Variants in CHD6 observed in about 807,000 individuals in gnomAD.
The protein encoded by CHD6 is ATP-dependent chromatin remodeler CHD6.
CHD6 carries 50 observed loss-of-function variants against 276.9 expected under a neutral mutation model. The ratio of observed to expected loss-of-function variants is 0.18; its 90% confidence interval spans 0.14 to 0.23. The LOEUF (loss-of-function observed/expected upper bound fraction) is 0.23. Among genes scored for constraint, CHD6 ranks in the 10% least tolerant of loss-of-function variants. The pLI is 1.00. For synonymous variants in CHD6, 1,173 were observed against 1,229.3 expected (o/e 0.95, Z 0.96); for missense variants, 2,564 against 3,365.8 (o/e 0.76, Z 5.89).
chr20:41,488,622 A>G lies in CHD6; in HGVS notation c.1681-18T>C, dbSNP rs776843641. ...GGGTTTCCCTGAGGATGACACAACC[A>G]AAGTCAAAGCTTTACACCATGGCTA... On this transcript the variant is annotated intron_variant, in intron 12 of 36. Coordinates refer to ENST00000373233, the MANE Select transcript of CHD6 (RefSeq NM_032221.5). 13 of 1,608,702 alleles carry G rather than the reference A, an allele frequency of 8.1e-6. No individual in the cohort carries two copies. The highest frequency in any genetic ancestry group is 1.3e-5 in the African/African-American group (1 of 74,692).
At chr20:41,523,087 C>T (rs2044443329) in intron 3 of CHD6, among the ~76,000 whole-genome samples, 1 of 152,182 alleles carries the variant, frequency 6.6e-6, no homozygotes, top group African/African-American at 2.4e-5. Context: ...AATGGAGTGG[C>T]ACCCAGACAG....
chr20:41,541,879 G>A (rs970196848), intron 2 of CHD6, among the ~76,000 whole-genome samples: 1 of 152,216 alleles, frequency 6.6e-6, no homozygotes, highest in African/African-American at 2.4e-5. Context: ...GACGGGGACA[G>A]GAGATACTTT....
Position 41,473,142 on chromosome 20 carries a change from T to A in CHD6, c.2664+180A>T. 1.8e-6 allele frequency: 1 copy of A among 553,964 alleles called. No homozygotes were observed. The highest frequency in any genetic ancestry group is 3.2e-6 in the Non-Finnish European group (1 of 314,442). 34.3% of individuals were successfully genotyped at this position (553,964 alleles called of 1,614,324 possible). ...GGAAAGAACCACACTCTCTAATTAGTTGGAAGGGTCGACATTTACTTTTCA... is the reference window on the plus strand; with the variant it reads ...GGAAAGAACCACACTCTCTAATTAGATGGAAGGGTCGACATTTACTTTTCA... On this transcript the variant is annotated intron_variant, in intron 17 of 36. Transcript: ENST00000373233. The surrounding 1 kb of genome is among the most constrained non-coding windows in gnomAD (Gnocchi z 4.1).
At chr20:41,502,000 T>C (rs2043840448) in intron 5 of CHD6, among the ~76,000 whole-genome samples, 1 of 145,452 alleles carries the variant, frequency 6.9e-6, no homozygotes, top group African/African-American at 2.5e-5. Context: ...TCTTTCTAAT[T>C]TATTTTCAAG....
chr20:41,605,462 C>T (rs2045818082), intron 1 of CHD6, among the ~76,000 whole-genome samples: 1 of 152,140 alleles, frequency 6.6e-6, no homozygotes, highest in Non-Finnish European at 1.5e-5. Flanking sequence ...TTCAAGTGCA[C>T]AAACCAAGTC....
intron 3 of CHD6, among the ~76,000 whole-genome samples, chr20:41,520,973 G>T (rs983884496): frequency 1.1e-4 from 17 of 149,816 alleles, no homozygotes; most frequent in Non-Finnish European, 2.1e-4. Context: ...AATACAAAAA[G>T]AAACAGAGGA....
At position 41,421,562 on chromosome 20, in the gene CHD6, G is replaced by A. The variant is rs760560262; in HGVS notation, c.5073C>T (p.Ser1691=). The part of the protein sequence containing the change: ...NFISKVQDVI[S]INHDESLLPE... ...GCAGCAGACTTTCATCATGGTTGAT[G>A]GAAATGACATCCTGAACTTTAGAAA... Residue 1691 remains serine (S), a synonymous_variant, in exon 31 of 37, where the codon TCC becomes TCT. Coordinates refer to ENST00000373233, the MANE Select transcript of CHD6 (RefSeq NM_032221.5). 3 of 1,613,270 alleles carry A rather than the reference G, an allele frequency of 1.9e-6. No homozygotes were observed. The highest frequency in any genetic ancestry group is 2.5e-6 in the Non-Finnish European group (3 of 1,179,704).
At chr20:41,420,453 C>T (rs1410421540) in intron 31 of CHD6, 55 bp downstream of exon 31, 15 of 1,533,892 alleles carry the variant, frequency 9.8e-6, no homozygotes, top group Admixed American at 4.0e-5. Flanking sequence ...AACCCAACCC[C>T]CCGTCGTGTG....
At chr20:41,524,502 C>G (rs746702414) in intron 3 of CHD6, among the ~76,000 whole-genome samples, 1 of 152,052 alleles carries the variant, frequency 6.6e-6, no homozygotes, top group Non-Finnish European at 1.5e-5. Flanking sequence ...ACCAAGTAGT[C>G]CTATCAAAAG....
Position 41,521,883 on chromosome 20 carries a change from C to T in CHD6, c.555-6931G>A, listed in dbSNP as rs572226478. 5.3e-5 allele frequency among the ~76,000 whole-genome samples: 8 copies of T among 152,284 alleles called. No homozygotes were observed. The East Asian group carries it at 1.4e-3, about 26-fold the overall frequency. ...AGCTTTCGTTGCCCAAAACTGAGAC[C>T]ATCTGAACACCAAAGTAATTGAGGA... On this transcript the variant is annotated intron_variant, in intron 3 of 36. Transcript: ENST00000373233.
chr20:41,547,220 T>C (rs1447461000), intron 2 of CHD6, among the ~76,000 whole-genome samples: 4 of 152,208 alleles, frequency 2.6e-5, no homozygotes, highest in Admixed American at 6.5e-5. Flanking sequence ...AAGATTTCCT[T>C]GCCACTGACA....
intron 23 of CHD6, among the ~76,000 whole-genome samples, 183 bp from the exon 24 acceptor site, chr20:41,448,154 T>G (rs533020027): frequency 6.6e-6 from 1 of 152,102 alleles, no homozygotes; most frequent in African/African-American, 2.4e-5. Context: ...CATTCCTATT[T>G]TACAAAAAAA....
chr20:41,453,336 C>T (rs535782892), intron 20 of CHD6, among the ~76,000 whole-genome samples: 5 of 152,330 alleles, frequency 3.3e-5, no homozygotes, highest in Admixed American at 6.5e-5. Flanking sequence ...GGAGACAAGA[C>T]AAGCTAGAGA....
At chr20:41,553,745 C>A (rs1378045380) in intron 1 of CHD6, among the ~76,000 whole-genome samples, 1 of 152,230 alleles carries the variant, frequency 6.6e-6, no homozygotes, top group Non-Finnish European at 1.5e-5. Context: ...GCTGAGAGAT[C>A]TTTTGTCTCC....
chr20:41,428,082 C>T (rs1327114459), intron 27 of CHD6, among the ~76,000 whole-genome samples: 2 of 152,186 alleles, frequency 1.3e-5, no homozygotes, highest in African/African-American at 2.4e-5. Context: ...GGCAGGCATA[C>T]AGCAAATGCT....
intron 1 of CHD6, among the ~76,000 whole-genome samples, chr20:41,608,976 A>G (rs893258641): frequency 6.6e-6 from 1 of 152,204 alleles, no homozygotes; most frequent in Admixed American, 6.5e-5. Context: ...TAGCTTATGA[A>G]ATCACAATAT....
At chr20:41,503,942 G>A (rs1274056805) in intron 5 of CHD6, among the ~76,000 whole-genome samples, 1 of 151,704 alleles carries the variant, frequency 6.6e-6, no homozygotes, top group African/African-American at 2.4e-5. Context: ...GCTGGGCATA[G>A]TGGCGCACAC....
intron 31 of CHD6, 44 bp downstream of exon 31, chr20:41,420,464 T>A (rs750511756): frequency 1.3e-6 from 2 of 1,551,834 alleles, no homozygotes; most frequent in South Asian, 2.5e-5. Flanking sequence ...CCGTCGTGTG[T>A]GAACTAGTTT....
chr20:41,426,068 T>A, intron 28 of CHD6, 25 bp downstream of exon 28: 3 of 1,533,224 alleles, frequency 2.0e-6, no homozygotes, highest in Non-Finnish European at 1.8e-6. Context: ...TACTTTCCTA[T>A]GCCTTCAGAA....
Sources: gnomAD v4.1 joint callset for allele counts (sites outside exome capture counted in the v4.1 genomes callset) on GRCh38, gnomAD v4.1.1 for gene constraint, Gnocchi (gnomAD v3.1) non-coding constraint, MANE v1.5 for transcripts, NCBI Gene and HGNC (gene_info 2026-07-23, HGNC 2026-07-21) for gene names.